The following TEC variants were observed in gnomAD, a reference collection of about 807,000 sequenced individuals.
TEC encodes tyrosine-protein kinase Tec.
TEC carries 72 observed loss-of-function variants against 93.0 expected under a neutral mutation model. That is an observed-to-expected ratio of 0.77 (90% CI 0.64 to 0.94). The LOEUF is 0.94. Among genes scored for constraint, TEC ranks in the 40% least tolerant of loss-of-function variants. The pLI, the probability that TEC is intolerant of heterozygous loss-of-function variation, is 0.00. For synonymous variants in TEC, 249 were observed against 247.7 expected, an observed-to-expected ratio of 1.01 and a Z score of -0.05; for missense variants, 630 against 757.9, an observed-to-expected ratio of 0.83 and a Z score of 1.98.
intron 11 of TEC, among the ~76,000 whole-genome samples, chr4:48,148,295 C>G (rs574242996): frequency 6.6e-6 from 1 of 151,984 alleles, no homozygotes; most frequent in Non-Finnish European, 1.5e-5. Context: ...AAAAAGTGAA[C>G]AGTCACAAAA....
intron 1 of TEC, among the ~76,000 whole-genome samples, chr4:48,262,702 G>C (rs1252092975): frequency 6.6e-6 from 1 of 152,162 alleles, no homozygotes; most frequent in Non-Finnish European, 1.5e-5. Flanking sequence ...GATGCTTGTG[G>C]AAGCACAGTG....
chr4:48,197,097 G>T (rs1444366161), intron 2 of TEC, among the ~76,000 whole-genome samples: 1 of 152,194 alleles, frequency 6.6e-6, no homozygotes, highest in Non-Finnish European at 1.5e-5. Flanking sequence ...GGTTTGTCAG[G>T]CTGTCTTGAC....
intron 1 of TEC, among the ~76,000 whole-genome samples, chr4:48,256,454 G>A (rs1216911942): frequency 7.3e-5 from 11 of 151,462 alleles, no homozygotes; most frequent in Admixed American, 7.2e-4. Flanking sequence ...TTAGCCAGGA[G>A]TGATGGTGCC....
rs80232373 is a variant in TEC at position 48,192,766 on chromosome 4, A to G, written c.139-16580T>C. On this transcript the variant is annotated intron_variant, in intron 2 of 17. Coordinates refer to ENST00000381501, the MANE Select transcript of TEC (RefSeq NM_003215.3). ...AGGCTCTGCCCTAGTATTTATTCCA[A>G]CTTAGAAAGAACTCACCCATCCATT... 6.2e-3 allele frequency among the ~76,000 whole-genome samples: 952 copies of G among 152,330 alleles called. 10 individuals are homozygous for G. Among genetic ancestry groups the G allele is most frequent in the African/African-American group, 0.022 (927 of 41,572 alleles).
rs114367377 is a variant in TEC at position 48,203,863 on chromosome 4, C to T, written c.138+24614G>A. The stretch of plus-strand genomic sequence containing the variant: ...TCAGAGAAACTTGCAAGCACAGAGG[C>T]ACTCGCTTTACAGGCAGCACAGACA... On this transcript the variant is annotated intron_variant, in intron 2 of 17. Coordinates refer to ENST00000381501, the MANE Select transcript of TEC (RefSeq NM_003215.3). 7.0e-3 allele frequency among the ~76,000 whole-genome samples: 1,060 copies of T among 152,256 alleles called. 11 individuals carry two copies. The highest frequency in any genetic ancestry group is 0.024 in the African/African-American group (999 of 41,534).
chr4:48,208,739 T>G (rs1279265549), intron 2 of TEC, among the ~76,000 whole-genome samples: 1 of 152,212 alleles, frequency 6.6e-6, no homozygotes, highest in Non-Finnish European at 1.5e-5. Flanking sequence ...CTGTACGTTG[T>G]CTGCATCTCC....
At chr4:48,256,972 G>A (rs968069636) in intron 1 of TEC, among the ~76,000 whole-genome samples, 3 of 152,130 alleles carry the variant, frequency 2.0e-5, no homozygotes, top group Admixed American at 6.5e-5. Flanking sequence ...TGCGAATGGC[G>A]AACCACATTT....
chr4:48,234,999 T>C (rs920053489), intron 1 of TEC, among the ~76,000 whole-genome samples: 4 of 151,596 alleles, frequency 2.6e-5, no homozygotes, highest in Admixed American at 6.6e-5. Context: ...CTCTGTAAAA[T>C]AGAATGAGAG....
chr4:48,229,186 A>C (rs1723575127), intron 1 of TEC, among the ~76,000 whole-genome samples: 1 of 152,184 alleles, frequency 6.6e-6, no homozygotes, highest in Admixed American at 6.5e-5. Context: ...TACCAGTGCC[A>C]CAGGGATGTT....
intron 2 of TEC, among the ~76,000 whole-genome samples, chr4:48,217,207 G>A (rs1056070027): frequency 6.6e-6 from 1 of 152,002 alleles, no homozygotes; most frequent in South Asian, 2.1e-4. Flanking sequence ...AGGTTCAAAC[G>A]ATTCTCTTGA....
chr4:48,240,614 C>A (rs1336840221), intron 1 of TEC, among the ~76,000 whole-genome samples: 2 of 152,138 alleles, frequency 1.3e-5, no homozygotes, highest in African/African-American at 4.8e-5. Flanking sequence ...CTCCTCTCTT[C>A]CCTCTATGTC....
chr4:48,151,053 GA>G, intron 9 of TEC, 111 bp from the exon 10 acceptor site: 9 of 712,778 alleles, frequency 1.3e-5, no homozygotes, highest in East Asian at 3.0e-5. Context: ...TTCTTTCCCA[GA>G]AAAAAATGCT....
At chr4:48,240,481 T>C (rs772587494) in intron 1 of TEC, among the ~76,000 whole-genome samples, 13 of 152,106 alleles carry the variant, frequency 8.5e-5, no homozygotes, top group Non-Finnish European at 1.6e-4. Flanking sequence ...GTGATTCCTG[T>C]GAGCCAGCAG....
At chr4:48,223,263 T>A (rs1456883355) in intron 2 of TEC, among the ~76,000 whole-genome samples, 3 of 152,104 alleles carry the variant, frequency 2.0e-5, no homozygotes, top group East Asian at 1.9e-4. Context: ...ACAAAGAAAA[T>A]TTTTTTAAAG....
intron 8 of TEC, among the ~76,000 whole-genome samples, chr4:48,163,094 T>C (rs1292633522): frequency 1.3e-5 from 2 of 152,134 alleles, no homozygotes; most frequent in Non-Finnish European, 2.9e-5. Flanking sequence ...ACATAAATTA[T>C]TGGACATCCA....
chr4:48,212,110 A>AAAAAAAAAAAT, intron 2 of TEC, among the ~76,000 whole-genome samples: 2 of 122,264 alleles, frequency 1.6e-5, no homozygotes, highest in Admixed American at 9.9e-5. Flanking sequence ...AAAAAAAAAA[A>AAAAAAAAAAAT]ATATATATAT....
intron 1 of TEC, among the ~76,000 whole-genome samples, chr4:48,262,588 C>T (rs1270975231): frequency 6.6e-6 from 1 of 152,018 alleles, no homozygotes; most frequent in Non-Finnish European, 1.5e-5. Flanking sequence ...TATGCTTTCC[C>T]TAGGAAAGAA....
intron 1 of TEC, among the ~76,000 whole-genome samples, chr4:48,249,624 G>A (rs1022710690): frequency 6.6e-6 from 1 of 152,216 alleles, no homozygotes; most frequent in African/African-American, 2.4e-5. Context: ...CTTCACAAAG[G>A]AAGTAATTAC....
chr4:48,160,537 G>T (rs748031630), intron 8 of TEC, among the ~76,000 whole-genome samples: 69 of 152,040 alleles, frequency 4.5e-4, no homozygotes, highest in Non-Finnish European at 8.1e-4. Context: ...GACCAGCCTG[G>T]CCAACATATT....
Sources: allele counts gnomAD v4.1 joint callset (sites outside exome capture counted in the v4.1 genomes callset), GRCh38; gene constraint gnomAD v4.1.1; transcripts MANE v1.5; gene names NCBI Gene and HGNC (gene_info 2026-07-23, HGNC 2026-07-21).